Variants in PRH1 observed in about 807,000 individuals in gnomAD.
PRH1 encodes the protein proline rich protein HaeIII subfamily 1, also known as salivary acidic proline-rich phosphoprotein 1/2.
A neutral mutation model predicts 7.9 loss-of-function variants in PRH1; 7 were observed. That is an observed-to-expected ratio of 0.89 (90% CI 0.50 to 1.67). The LOEUF is 1.67. PRH1 is among the 40% of genes most tolerant of loss of function. PRH1 has a pLI of 0.00. For missense variants in PRH1, 109 were observed against 223.6 expected (o/e 0.49, Z 3.27); for synonymous variants, 45 against 80.8 (o/e 0.56, Z 2.38).
intron 1 of PRH1, chr12:11,034,889 C>T (rs1301215298): frequency 6.5e-6 from 1 of 152,710 alleles, no homozygotes; most frequent in Middle Eastern, 1.0e-3. Flanking sequence ...TCCAACTCTA[C>T]CAACAAAAAT....
chr12:11,056,584 G>A (rs1023178759), intron 1 of PRH1, among the ~76,000 whole-genome samples: 1 of 152,134 alleles, frequency 6.6e-6, no homozygotes, highest in East Asian at 1.9e-4. Context: ...TTGGCAGGCT[G>A]AGGCAGGTGG....
intron 1 of PRH1, among the ~76,000 whole-genome samples, chr12:11,032,494 C>A (rs959902179): frequency 6.6e-6 from 1 of 152,156 alleles, no homozygotes; most frequent in African/African-American, 2.4e-5. Context: ...CATAAATATG[C>A]ACACAAATAT....
intron 1 of PRH1, among the ~76,000 whole-genome samples, chr12:11,122,360 TCAAAC>T (rs1449920435): frequency 7.3e-6 from 1 of 137,504 alleles, no homozygotes; most frequent in Non-Finnish European, 1.6e-5. Context: ...CAGCCATCCA[TCAAAC>T]CCAGCTTAGA....
intron 2 of PRH1, among the ~76,000 whole-genome samples, chr12:10,947,113 G>A (rs1438355884): frequency 6.6e-6 from 1 of 152,050 alleles, no homozygotes; most frequent in Non-Finnish European, 1.5e-5. Flanking sequence ...TCTTATTTGG[G>A]GATGGACACT....
intron 1 of PRH1, among the ~76,000 whole-genome samples, chr12:11,076,052 G>C (rs1437179146): frequency 4.1e-5 from 3 of 72,498 alleles, no homozygotes; most frequent in African/African-American, 1.2e-4. Flanking sequence ...TATCAGATGT[G>C]GATCTGATAC....
intron 2 of PRH1, among the ~76,000 whole-genome samples, chr12:10,893,715 T>C (rs1201140573): frequency 2.0e-5 from 3 of 152,204 alleles, no homozygotes; most frequent in African/African-American, 7.2e-5. Flanking sequence ...TTCTATCGAT[T>C]ACCATATAAT....
intron 2 of PRH1, chr12:10,930,333 C>G (rs1223736540): frequency 1.2e-6 from 2 of 1,603,014 alleles, no homozygotes; most frequent in Middle Eastern, 1.7e-4. Context: ...TCAGTAAACT[C>G]TGTCTCCATT....
At chr12:11,047,706 C>T (rs1942958685), upstream of PRH1, among the ~76,000 whole-genome samples, 2 of 144,228 alleles carry the variant, frequency 1.4e-5, no homozygotes, top group Admixed American at 1.4e-4. Flanking sequence ...TTTTGGTATA[C>T]ACATACAAAA....
intron 1 of PRH1, among the ~76,000 whole-genome samples, chr12:10,975,373 C>T (rs764563960): frequency 4.6e-5 from 7 of 152,098 alleles, no homozygotes; most frequent in Non-Finnish European, 8.8e-5. Context: ...CAAGCAAATG[C>T]TAAGGGATTT....
chr12:10,978,998 A>G (rs1238837361), intron 1 of PRH1, among the ~76,000 whole-genome samples: 1 of 152,210 alleles, frequency 6.6e-6, no homozygotes, highest in Non-Finnish European at 1.5e-5. Context: ...TGTAAAACAG[A>G]AACAGCAAAG....
intron 2 of PRH1, chr12:10,937,573 C>T (rs548090230): frequency 3.3e-5 from 5 of 152,022 alleles, no homozygotes; most frequent in Admixed American, 1.3e-4. Flanking sequence ...ACAGCAGTTA[C>T]GATCAGGATT....
At chr12:10,991,831 T>C (rs899549685) in intron 1 of PRH1, among the ~76,000 whole-genome samples, 3 of 152,158 alleles carry the variant, frequency 2.0e-5, no homozygotes, top group East Asian at 1.9e-4. Flanking sequence ...GAGGGCAGCA[T>C]CCTGAAATGC....
intron 2 of PRH1, among the ~76,000 whole-genome samples, chr12:10,914,863 T>A (rs1949951315): frequency 6.6e-6 from 1 of 152,204 alleles, no homozygotes; most frequent in Non-Finnish European, 1.5e-5. Context: ...GCACGGTGGC[T>A]CACGCCTGTA....
At chr12:11,100,246 T>A (rs2597974) in intron 1 of PRH1, among the ~76,000 whole-genome samples, 1 of 152,038 alleles carries the variant, frequency 6.6e-6, no homozygotes, top group Non-Finnish European at 1.5e-5. Flanking sequence ...GATGGAACAC[T>A]GAAAATAGGC....
chr12:11,018,168 A>G (rs1210834631), intron 1 of PRH1, among the ~76,000 whole-genome samples: 1 of 151,970 alleles, frequency 6.6e-6, no homozygotes, highest in African/African-American at 2.4e-5. Flanking sequence ...TGTCTCCATC[A>G]AGCCCGTAGG....
chr12:11,107,683 G>A (rs959233829), intron 1 of PRH1, among the ~76,000 whole-genome samples: 1 of 152,188 alleles, frequency 6.6e-6, no homozygotes, highest in South Asian at 2.1e-4. Flanking sequence ...TATGGTACTC[G>A]CATTAGGGTA....
intron 2 of PRH1, chr12:10,965,112 T>C: frequency 7.3e-7 from 1 of 1,364,884 alleles, no homozygotes; most frequent in Non-Finnish European, 1.0e-6. Context: ...GTAGTAATTC[T>C]TACTCCTAAA....
chr12:10,884,329 C>G, upstream of PRH1: 2 of 1,341,604 alleles, frequency 1.5e-6, no homozygotes, highest in Non-Finnish European at 2.1e-6. Context: ...CCAGGTGGGC[C>G]TCCTCGCCTC....
chr12:10,883,023 A>G, intron 2 of PRH1, 38 bp downstream of exon 2: 2 of 1,599,170 alleles, frequency 1.3e-6, no homozygotes, highest in Non-Finnish European at 1.7e-6. Flanking sequence ...TCAGGGAAAA[A>G]TGGAGACAGA....
Sources: gnomAD v4.1 joint callset for allele counts (sites outside exome capture counted in the v4.1 genomes callset) on GRCh38, gnomAD v4.1.1 for gene constraint, MANE v1.5 for transcripts, NCBI Gene and HGNC (gene_info 2026-07-23, HGNC 2026-07-21) for gene names.